The following POC1B variants were observed in gnomAD, a reference collection of about 807,000 sequenced individuals.
The protein encoded by POC1B is POC1 centriolar protein homolog B.
A neutral mutation model predicts 60.6 loss-of-function variants in POC1B; 44 were observed. The observed-to-expected ratio is 0.73, with a 90% CI of 0.57 to 0.93. The LOEUF (loss-of-function observed/expected upper bound fraction) is 0.93, where lower values mean the gene tolerates loss of function less well. Ranked by LOEUF, POC1B falls within the 40% of genes least tolerant of loss-of-function variation. POC1B has a pLI of 0.00. For synonymous variants in POC1B, 180 were observed against 198.9 expected (o/e 0.90, Z 0.80); for missense variants, 555 against 572.3 (o/e 0.97, Z 0.31).
chr12:89,524,058 T>C (rs1358808216), intron 2 of POC1B: 2 of 1,613,660 alleles, frequency 1.2e-6, no homozygotes, highest in Non-Finnish European at 8.5e-7. Flanking sequence ...TCAAAAGAAC[T>C]GCAGGAGAAG....
intron 4 of POC1B, among the ~76,000 whole-genome samples, chr12:89,472,977 G>T (rs1024551373): frequency 6.6e-6 from 1 of 151,882 alleles, no homozygotes; most frequent in African/African-American, 2.4e-5. Context: ...TCCTTCCCAA[G>T]GTTCTTTTTT....
intron 10 of POC1B, among the ~76,000 whole-genome samples, chr12:89,450,399 G>A (rs1881993004): frequency 6.6e-6 from 1 of 152,050 alleles, no homozygotes; most frequent in Non-Finnish European, 1.5e-5. Context: ...GTAGAGACAG[G>A]GTTTCGCCAT....
intron 2 of POC1B, 33 bp from the exon 3 acceptor site, chr12:89,497,375 T>A: frequency 6.3e-7 from 1 of 1,584,854 alleles, no homozygotes; most frequent in Non-Finnish European, 8.6e-7. Context: ...AACCACTGTT[T>A]GTTAAAATGC....
intron 4 of POC1B, among the ~76,000 whole-genome samples, chr12:89,476,421 T>C (rs1232936548): frequency 2.6e-5 from 4 of 152,200 alleles, no homozygotes; most frequent in Non-Finnish European, 4.4e-5. Context: ...TAAAGTGCTT[T>C]CATAAGGCCA....
chr12:89,463,598 CA>C (rs201329872), intron 9 of POC1B, among the ~76,000 whole-genome samples: 7 of 151,176 alleles, frequency 4.6e-5, no homozygotes, highest in African/African-American at 9.7e-5. Flanking sequence ...TCTTTCCCAT[CA>C]AAAAAAAGAG....
the POC1B span, among the ~76,000 whole-genome samples, chr12:89,408,586 C>T: frequency 2.0e-5 from 3 of 151,674 alleles, no homozygotes; most frequent in East Asian, 2.0e-4. Context: ...CCTGGGTTCA[C>T]GCCATTCTCC....
intron 7 of POC1B, among the ~76,000 whole-genome samples, chr12:89,469,854 AAAT>A (rs1401165494): frequency 1.3e-5 from 2 of 148,176 alleles, no homozygotes; most frequent in African/African-American, 5.0e-5. Flanking sequence ...GAATTACAAC[AAAT>A]AATATTTCTT....
chr12:89,461,050 C>T (rs539183451), intron 9 of POC1B: 1 of 152,264 alleles, frequency 6.6e-6, no homozygotes, highest in East Asian at 1.9e-4. Flanking sequence ...AGTGTCCAAT[C>T]TTTGGCTTTC....
At chr12:89,473,120 A>G (rs1374245430) in intron 4 of POC1B, among the ~76,000 whole-genome samples, 3 of 152,204 alleles carry the variant, frequency 2.0e-5, no homozygotes, top group Non-Finnish European at 4.4e-5. Context: ...AGTAACAAAA[A>G]CCAAAAAAGA....
rs1391093965 is a variant in POC1B, at chr12:89,492,077, G to A, written c.311C>T (p.Pro104Leu). The change falls in exon 4 of 12, where the codon CCA becomes CTA. Residue 104 changes from proline (P) to leucine (L), a missense_variant. Transcript: ENST00000313546. ...AGCTGAAAAGTCTACACTTCGAACT[G>A]GAGCTGTATGAGCTTTAAATTCTGA... ...KFSEFKAHTA[P>L]VRSVDFSADG... is the part of the protein sequence containing the mutation. 3 of 1,593,458 alleles carry A rather than the reference G, an allele frequency of 1.9e-6. No individual in the cohort carries two copies. In the Admixed American group the frequency reaches 5.6e-5, roughly 30 times the overall value.
intron 4 of POC1B, among the ~76,000 whole-genome samples, chr12:89,485,973 G>A (rs1868614174): frequency 3.9e-5 from 6 of 152,042 alleles, no homozygotes; most frequent in Admixed American, 3.9e-4. Flanking sequence ...ATATAGTCAA[G>A]TCTTGGCTCA....
intron 2 of POC1B, chr12:89,523,582 T>C: frequency 6.3e-7 from 1 of 1,575,340 alleles, no homozygotes; most frequent in Non-Finnish European, 8.6e-7. Context: ...CGTTCCAAGG[T>C]ACTGAAAATA....
chr12:89,426,422 GA>G (rs1436784433), intron 10 of POC1B: 2 of 152,076 alleles, frequency 1.3e-5, no homozygotes, highest in East Asian at 1.9e-4. Flanking sequence ...GTTACCACAA[GA>G]GAAAAACAGA....
At chr12:89,407,650 A>AC in the POC1B span, among the ~76,000 whole-genome samples, 21 of 152,334 alleles carry the variant, frequency 1.4e-4, no homozygotes, top group African/African-American at 5.0e-4. Context: ...ACTTCAGCTA[A>AC]CCCAGGAGCC....
chr12:89,436,663 G>C (rs11105288), intron 10 of POC1B, among the ~76,000 whole-genome samples: 31,011 of 151,522 alleles, frequency 0.2, 3,559 homozygotes, highest in Non-Finnish European at 0.25. Flanking sequence ...GCAGTGAGCC[G>C]AGATCGCTAT....
intron 9 of POC1B, among the ~76,000 whole-genome samples, chr12:89,462,858 C>A (rs1281604406): frequency 7.9e-5 from 12 of 152,138 alleles, no homozygotes; most frequent in African/African-American, 2.7e-4. Flanking sequence ...ACACTTAGAA[C>A]AGTCTTGTAT....
At chr12:89,500,377 C>T in intron 2 of POC1B, 1 of 1,497,244 alleles carries the variant, frequency 6.7e-7, no homozygotes, top group East Asian at 2.3e-5. Flanking sequence ...AGAAAGAAGC[C>T]TCTCTGCAGT....
intron 4 of POC1B, among the ~76,000 whole-genome samples, chr12:89,491,135 T>G (rs764985903): frequency 9.2e-5 from 14 of 151,726 alleles, no homozygotes; most frequent in Non-Finnish European, 1.8e-4. Context: ...CCACCCACCC[T>G]CACCTGTGCT....
chr12:89,410,134 T>G, the POC1B span, among the ~76,000 whole-genome samples: 2 of 152,218 alleles, frequency 1.3e-5, no homozygotes, highest in Non-Finnish European at 2.9e-5. Context: ...ATCCCTGGGA[T>G]GCAAGGCTGG....
Sources: allele counts gnomAD v4.1 joint callset (sites outside exome capture counted in the v4.1 genomes callset), GRCh38; gene constraint gnomAD v4.1.1; transcripts MANE v1.5; gene names NCBI Gene and HGNC (gene_info 2026-07-23, HGNC 2026-07-21).